PTPRE: variants seen among roughly 807,000 people sequenced by gnomAD.
PTPRE encodes the protein protein tyrosine phosphatase receptor type E.
Under a neutral mutation model 102.0 loss-of-function variants are expected in PTPRE, and 51 were observed. The observed-to-expected ratio is 0.50, with a 90% CI of 0.40 to 0.63. PTPRE has a LOEUF of 0.63. PTPRE is among the 30% of genes least tolerant of loss of function. The probability of loss-of-function intolerance (pLI) is 0.00; values close to 1 mark genes in which losing one functional copy is unlikely to be tolerated. For synonymous variants in PTPRE, 345 were observed against 348.2 expected (o/e 0.99, Z 0.10); for missense variants, 752 against 915.1 (o/e 0.82, Z 2.30).
chr10:127,987,981 G>C (rs1852244853), intron 2 of PTPRE, among the ~76,000 whole-genome samples: 1 of 152,216 alleles, frequency 6.6e-6, no homozygotes. Context: ...TGCCTGTGCA[G>C]TTCATGTTGC....
chr10:127,988,375 G>A (rs374521789), intron 2 of PTPRE, among the ~76,000 whole-genome samples: 1 of 147,796 alleles, frequency 6.8e-6, no homozygotes, highest in Non-Finnish European at 1.5e-5. Flanking sequence ...GCACAATCTG[G>A]GCTCTTCGCA....
chr10:127,951,731 C>T (rs1849041855), intron 1 of PTPRE, among the ~76,000 whole-genome samples: 1 of 152,304 alleles, frequency 6.6e-6, no homozygotes, highest in South Asian at 2.1e-4. Flanking sequence ...TCTCTACCTA[C>T]AAAAATAGTA....
At chr10:127,970,101 G>A (rs181136667) in intron 1 of PTPRE, among the ~76,000 whole-genome samples, 3 of 152,116 alleles carry the variant, frequency 2.0e-5, no homozygotes, top group South Asian at 2.1e-4. Flanking sequence ...GTAAAAAAAA[G>A]AGCCAGTAAC....
rs1848487734 is a variant in PTPRE at position 127,944,500 on chromosome 10, A to ATGGATGGATGGG, written c.-31+37202_-31+37203insGTGGATGGATGG. On this transcript the variant is annotated intron_variant, in intron 1 of 20. Transcript: ENST00000254667. The surrounding 1 kb of genome is among the most constrained non-coding windows in gnomAD (Gnocchi z 4.2). ...GATGGATGGATGGATGGATGGATGG[A>ATGGATGGATGGG]TGGATGGATGGATGGGTGGATGGAT... Among the ~76,000 whole-genome samples the ATGGATGGATGGG allele has an allele frequency of 6.8e-6, 1 of 146,022 alleles. No individual in the cohort carries two copies. Among genetic ancestry groups the ATGGATGGATGGG allele is most frequent in the African/African-American group, 2.6e-5 (1 of 38,856 alleles).
chr10:127,908,341 T>A (rs1845633905), intron 1 of PTPRE, among the ~76,000 whole-genome samples: 1 of 152,040 alleles, frequency 6.6e-6, no homozygotes, highest in Non-Finnish European at 1.5e-5. Context: ...CAGGTACCCC[T>A]TGACCCAGGG....
At chr10:127,986,251 C>A (rs1264946429) in intron 2 of PTPRE, among the ~76,000 whole-genome samples, 1 of 152,092 alleles carries the variant, frequency 6.6e-6, no homozygotes. Flanking sequence ...CACTGTAGTT[C>A]GTATCAGTGA....
intron 1 of PTPRE, among the ~76,000 whole-genome samples, chr10:127,947,332 A>C (rs531999714): frequency 6.6e-6 from 1 of 152,224 alleles, no homozygotes; most frequent in Non-Finnish European, 1.5e-5. Flanking sequence ...ATTCACGTGC[A>C]TTCAAAACTC....
chr10:127,958,695 G>A (rs1359201858), intron 1 of PTPRE, among the ~76,000 whole-genome samples: 1 of 152,026 alleles, frequency 6.6e-6, no homozygotes, highest in East Asian at 1.9e-4. Flanking sequence ...GGTATTGAGG[G>A]TAATATGGGC....
chr10:127,960,672 A>C (rs1296046278), intron 1 of PTPRE, among the ~76,000 whole-genome samples: 2 of 152,174 alleles, frequency 1.3e-5, no homozygotes, highest in Non-Finnish European at 2.9e-5. Flanking sequence ...CATAGCCCAG[A>C]TCTTGCTCTG....
At chr10:127,930,828 CTG>C (rs1295305666) in intron 1 of PTPRE, among the ~76,000 whole-genome samples, 2 of 149,324 alleles carry the variant, frequency 1.3e-5, no homozygotes, top group African/African-American at 5.0e-5. Context: ...GAGTCTCACT[CTG>C]TTGCCAGGCT....
At chr10:128,006,713 A>T (rs1278692189) in intron 2 of PTPRE, among the ~76,000 whole-genome samples, 2 of 152,066 alleles carry the variant, frequency 1.3e-5, no homozygotes, top group African/African-American at 4.8e-5. Context: ...ATTTGGGGGG[A>T]TAAAAGAATA....
At chr10:128,047,650 T>C (rs1388787598) in intron 4 of PTPRE, 114 bp from the exon 5 acceptor site, 2 of 1,614,052 alleles carry the variant, frequency 1.2e-6, no homozygotes, top group African/African-American at 2.7e-5. Context: ...GGCTCAGCCA[T>C]GAGCAACAGG....
intron 1 of PTPRE, among the ~76,000 whole-genome samples, chr10:127,957,254 G>T (rs1224058516): frequency 6.6e-6 from 1 of 152,094 alleles, no homozygotes; most frequent in African/African-American, 2.4e-5. Flanking sequence ...TTTGTGAAGG[G>T]TATAAAGCCT....
chr10:128,049,293 C>A (rs1848353719), intron 5 of PTPRE, among the ~76,000 whole-genome samples: 1 of 152,072 alleles, frequency 6.6e-6, no homozygotes, highest in African/African-American at 2.4e-5. Flanking sequence ...TGGGGGAGAG[C>A]AGGTGACACT....
intron 1 of PTPRE, among the ~76,000 whole-genome samples, chr10:127,981,618 G>A (rs1460447343): frequency 6.6e-6 from 1 of 152,110 alleles, no homozygotes; most frequent in Non-Finnish European, 1.5e-5. Context: ...AGGAGTTCGA[G>A]ACTAGCCTGG....
At chr10:128,005,859 G>A (rs1854486225) in intron 2 of PTPRE, among the ~76,000 whole-genome samples, 3 of 152,134 alleles carry the variant, frequency 2.0e-5, no homozygotes, top group African/African-American at 7.2e-5. Context: ...GCTCTGGGAG[G>A]GATTCTTCCT....
intron 2 of PTPRE, among the ~76,000 whole-genome samples, chr10:128,034,283 G>C (rs1055044670): frequency 2.0e-5 from 3 of 151,738 alleles, no homozygotes; most frequent in Admixed American, 6.6e-5. Context: ...TATTATGGGA[G>C]GATTCAATAA....
intron 10 of PTPRE, among the ~76,000 whole-genome samples, chr10:128,064,128 A>T: frequency 6.6e-6 from 1 of 152,124 alleles, no homozygotes; most frequent in East Asian, 1.9e-4. Flanking sequence ...TGCCATTTTT[A>T]GATGGGAGTA....
chr10:128,021,681 G>C (rs1845900211), intron 2 of PTPRE, among the ~76,000 whole-genome samples: 1 of 152,226 alleles, frequency 6.6e-6, no homozygotes, highest in Non-Finnish European at 1.5e-5. Context: ...TCACCAGTCA[G>C]TCAGAGACAG....
Sources: allele counts gnomAD v4.1 joint callset (sites outside exome capture counted in the v4.1 genomes callset), GRCh38; gene constraint gnomAD v4.1.1; non-coding constraint Gnocchi (gnomAD v3.1); transcripts MANE v1.5; gene names NCBI Gene and HGNC (gene_info 2026-07-23, HGNC 2026-07-21).